Variants in PTPRO observed in about 807,000 individuals in gnomAD.
The protein encoded by PTPRO is protein tyrosine phosphatase receptor type O.
PTPRO carries 62 observed loss-of-function variants against 145.2 expected under a neutral mutation model. That is an observed-to-expected ratio of 0.43 (90% CI 0.35 to 0.53). The LOEUF (loss-of-function observed/expected upper bound fraction) is 0.53, where lower values mean the gene tolerates loss of function less well. Among genes scored for constraint, PTPRO ranks in the 20% least tolerant of loss-of-function variants. The pLI, the probability that PTPRO is intolerant of heterozygous loss-of-function variation, is 0.01. For missense variants in PTPRO, 1,345 were observed against 1,482.7 expected (o/e 0.91, Z 1.53); for synonymous variants, 565 against 514.7 (o/e 1.10, Z -1.32).
In PTPRO at chr12:15,550,865, A is replaced by G. The variant is rs115142079; in HGVS notation, c.2438-686A>G. Among the ~76,000 whole-genome samples, 29 of 152,306 alleles carry G rather than the reference A, an allele frequency of 1.9e-4. 1 individual carries two copies. Among genetic ancestry groups the G allele is most frequent in the South Asian group, 6.2e-4 (3 of 4,822 alleles). ...TTGATATCCTGTTCTTCCGTGTAGT[A>G]TGAAGAAGTAGACAATGTGTAAGTG... is the stretch of plus-strand genomic sequence containing the variant. On this transcript the variant is annotated intron_variant, in intron 14 of 26. Coordinates refer to ENST00000281171, the MANE Select transcript of PTPRO (RefSeq NM_030667.3).
rs562579193 is a variant in PTPRO at position 15,597,850 on chromosome 12, C to A, written c.*1777C>A. Among the ~76,000 whole-genome samples, 2 of 152,266 alleles carry A rather than the reference C, an allele frequency of 1.3e-5. No homozygotes were observed. The highest frequency in any genetic ancestry group is 6.5e-5 in the Admixed American group (1 of 15,288). On this transcript the variant is annotated 3_prime_UTR_variant, in exon 27 of 27. Coordinates refer to ENST00000281171, the MANE Select transcript of PTPRO (RefSeq NM_030667.3). ...TAATGTGTCGCACCATTCTCAGGAA[C>A]AAACATGGTTAATGAAAGGTGGCAA...
At chr12:15,595,371 G>T in intron 26 of PTPRO, 1 of 345,880 alleles carries the variant, frequency 2.9e-6, no homozygotes, top group Non-Finnish European at 5.6e-6. Context: ...GTAATATCAG[G>T]ATACTACCAT....
intron 7 of PTPRO, among the ~76,000 whole-genome samples, chr12:15,514,451 C>CA (rs71438353): frequency 0.23 from 15,732 of 68,300 alleles, 1,725 homozygotes; most frequent in African/African-American, 0.36. Context: ...GACTCTGTCT[C>CA]AAAAAAAAAA....
Position 15,501,609 on chromosome 12 carries a change from C to G in PTPRO, c.662-11C>G, listed in dbSNP as rs781164660. ...AAAAATACTTGAAAATGAAAATTCT[C>G]TCTCTTACAGCCCCTTATCCACCTC... On this transcript the variant is annotated splice_polypyrimidine_tract_variant and intron_variant, in intron 4 of 26. Transcript: ENST00000281171. The G allele has an allele frequency of 1.1e-5, 17 of 1,605,520 alleles. No homozygotes were observed. Among genetic ancestry groups the G allele is most frequent in the Non-Finnish European group, 1.3e-5 (15 of 1,172,704 alleles).
At chr12:15,438,337 T>C (rs936990121) in intron 1 of PTPRO, among the ~76,000 whole-genome samples, 6 of 152,082 alleles carry the variant, frequency 3.9e-5, no homozygotes. Flanking sequence ...AAGATTGAGC[T>C]ACCTCTCCAG....
At chr12:15,381,280 A>G (rs956230664) in intron 1 of PTPRO, among the ~76,000 whole-genome samples, 1 of 152,210 alleles carries the variant, frequency 6.6e-6, no homozygotes, top group Non-Finnish European at 1.5e-5. Context: ...AATGTGGGAT[A>G]GATAGGATAT....
At chr12:15,345,678 A>G (rs879787294) in intron 1 of PTPRO, among the ~76,000 whole-genome samples, 5 of 152,148 alleles carry the variant, frequency 3.3e-5, no homozygotes, top group South Asian at 4.1e-4. Flanking sequence ...GCAAACCACC[A>G]TGGCACGTTT....
intron 25 of PTPRO, among the ~76,000 whole-genome samples, chr12:15,590,117 A>G (rs79213031): frequency 3.9e-5 from 6 of 152,282 alleles, no homozygotes; most frequent in African/African-American, 1.2e-4. Flanking sequence ...CTTCATCTCA[A>G]TGATGAAGAT....
At chr12:15,440,154 A>G (rs918305621) in intron 1 of PTPRO, 3 of 666,610 alleles carry the variant, frequency 4.5e-6, no homozygotes, top group Non-Finnish European at 8.1e-6. Context: ...CCTGTGCCCA[A>G]GAAGCTGCTC....
chr12:15,351,482 T>C (rs562776393), intron 1 of PTPRO, among the ~76,000 whole-genome samples: 1 of 152,152 alleles, frequency 6.6e-6, no homozygotes, highest in South Asian at 2.1e-4. Flanking sequence ...ACAACCAGCA[T>C]ATGATATTTC....
Position 15,503,926 on chromosome 12 carries a change from T to C in PTPRO, c.1124T>C (p.Leu375Ser). Residue 375 changes from leucine to serine, a missense_variant, in exon 6 of 27, where the codon TTG (leucine) becomes TCG (serine). This residue lies in a region of PTPRO where 1,130 missense variants were observed against 1,214.7 expected (regional missense o/e 0.93). Transcript: ENST00000281171. ...IEREENFTEY[L>S]MVDEEAHEFV... The stretch of plus-strand genomic sequence containing the variant: ...GATTTAGAGAACTTTACTGAATATT[T>C]GATGGTGGATGAAGAAGCACATGAA... 1 of 1,580,776 alleles carries C rather than the reference T, an allele frequency of 6.3e-7. No homozygotes were observed. The highest frequency in any genetic ancestry group is 1.1e-5 in the South Asian group (1 of 90,326).
intron 1 of PTPRO, among the ~76,000 whole-genome samples, chr12:15,411,225 A>T (rs1211850713): frequency 6.6e-6 from 1 of 152,140 alleles, no homozygotes; most frequent in Non-Finnish European, 1.5e-5. Flanking sequence ...CTGCTCTCTA[A>T]ATTGTTCTAT....
chr12:15,553,631 T>C (rs777047446), intron 15 of PTPRO, among the ~76,000 whole-genome samples: 9 of 152,184 alleles, frequency 5.9e-5, no homozygotes, highest in Non-Finnish European at 1.3e-4. Flanking sequence ...GGACTTTGGC[T>C]TTTACTCAGT....
chr12:15,348,041 C>T (rs189915343), intron 1 of PTPRO, among the ~76,000 whole-genome samples: 101 of 152,034 alleles, frequency 6.6e-4, no homozygotes, highest in African/African-American at 2.3e-3. Flanking sequence ...ATAATGCATC[C>T]CAAAAGATGA....
chr12:15,428,208 C>T (rs1038481829), intron 1 of PTPRO, among the ~76,000 whole-genome samples: 2 of 152,132 alleles, frequency 1.3e-5, no homozygotes, highest in African/African-American at 4.8e-5. Context: ...AATTCAAAGA[C>T]AACAGCATCA....
At chr12:15,591,674 C>A (rs1238550158) in intron 25 of PTPRO, among the ~76,000 whole-genome samples, 2 of 152,044 alleles carry the variant, frequency 1.3e-5, no homozygotes, top group African/African-American at 4.8e-5. Flanking sequence ...CCCATCCTGG[C>A]CAACATAGTG....
intron 1 of PTPRO, among the ~76,000 whole-genome samples, chr12:15,418,560 G>A (rs1251923009): frequency 6.6e-6 from 1 of 151,734 alleles, no homozygotes; most frequent in Non-Finnish European, 1.5e-5. Context: ...GTTTTATGAG[G>A]AAAATGAACA....
intron 25 of PTPRO, among the ~76,000 whole-genome samples, chr12:15,591,065 T>A (rs192516991): frequency 1.4e-3 from 209 of 152,272 alleles, no homozygotes; most frequent in Non-Finnish European, 2.1e-4. Context: ...ATTCATACCT[T>A]TTACAACTTC....
At chr12:15,507,567 G>A (rs1942349067) in intron 6 of PTPRO, among the ~76,000 whole-genome samples, 1 of 152,304 alleles carries the variant, frequency 6.6e-6, no homozygotes, top group African/African-American at 2.4e-5. Context: ...AACCACTACT[G>A]TGATGTCCTA....
Sources: gnomAD v4.1 joint callset for allele counts (sites outside exome capture counted in the v4.1 genomes callset) on GRCh38, gnomAD v4.1.1 for gene constraint, gnomAD v4.1.1 regional missense constraint, MANE v1.5 for transcripts, NCBI Gene and HGNC (gene_info 2026-07-23, HGNC 2026-07-21) for gene names.